Variants in TBC1D13 observed in about 807,000 individuals in gnomAD.
TBC1D13 encodes the protein epididymis secretory sperm binding protein.
In TBC1D13, 40 loss-of-function variants were observed where a neutral mutation model predicts 53.6. The observed-to-expected ratio is 0.75, with a 90% confidence interval of 0.58 to 0.97. TBC1D13 has a LOEUF of 0.97. Among genes scored for constraint, TBC1D13 ranks in the 50% least tolerant of loss-of-function variants. The pLI is 0.00. For missense variants in TBC1D13, 377 were observed against 499.4 expected, an observed-to-expected ratio of 0.75 and a Z score of 2.34; for synonymous variants, 182 against 197.7, an observed-to-expected ratio of 0.92 and a Z score of 0.67.
Position 128,803,246 on chromosome 9 carries a change from C to G in TBC1D13, c.544-4C>G. 2 of 1,613,786 alleles carry G rather than the reference C, an allele frequency of 1.2e-6. No homozygotes were observed. Among genetic ancestry groups the G allele is most frequent in the Middle Eastern group, 1.6e-4 (1 of 6,062 alleles). On this transcript the variant is annotated splice_region_variant and splice_polypyrimidine_tract_variant and intron_variant, in intron 7 of 11. Transcript: ENST00000372648. ...CTTGATGGGCTCCTCCTCTTCTCCT[C>G]CAGATGAGCTCCCCACACAAGAACT...
At chr9:128,801,678 CAG>C (rs1400345622) in intron 7 of TBC1D13, among the ~76,000 whole-genome samples, 18 of 151,846 alleles carry the variant, frequency 1.2e-4, no homozygotes, top group East Asian at 3.9e-4. Flanking sequence ...GACTCTGTCT[CAG>C]GGGGGCAAAT....
chr9:128,790,784 GC>G lies in TBC1D13; in HGVS notation c.138+11del, dbSNP rs1356011782. On this transcript the variant is annotated intron_variant, in intron 3 of 11. Coordinates refer to ENST00000372648, the MANE Select transcript of TBC1D13 (RefSeq NM_018201.5). The stretch of plus-strand genomic sequence containing the variant: ...GGTGCCTCTGCTGGAAGGTGGGTGT[GC>G]CTGGGGTGGGGCTTCTGCTCTGCTG... The G allele has an allele frequency of 1.3e-6, 2 of 1,558,950 alleles. No homozygotes were observed. Among genetic ancestry groups the G allele is most frequent in the African/African-American group, 2.8e-5 (2 of 70,342 alleles).
At chr9:128,801,355 A>G (rs1210023506) in intron 7 of TBC1D13, among the ~76,000 whole-genome samples, 1 of 151,612 alleles carries the variant, frequency 6.6e-6, no homozygotes, top group Non-Finnish European at 1.5e-5. Context: ...CCCCTCCCCA[A>G]CCCCATCCCC....
chr9:128,805,731 G>A, intron 9 of TBC1D13, 128 bp from the exon 10 acceptor site: 1 of 1,077,556 alleles, frequency 9.3e-7, no homozygotes, highest in Non-Finnish European at 1.3e-6. Flanking sequence ...CCTGGTGCCA[G>A]CCCTGGTGCT....
At position 128,807,830 on chromosome 9, in the gene TBC1D13, A is replaced by T; in HGVS notation, c.1154A>T (p.Asp385Val). The T allele has an allele frequency of 6.2e-7, 1 of 1,614,178 alleles. No individual in the cohort carries two copies. Among genetic ancestry groups the T allele is most frequent in the Non-Finnish European group, 8.5e-7 (1 of 1,180,030 alleles). ...TGTGCCCAGGACTACCCCATCACAG[A>T]TGTCTGCCAGATCCTGCAGAAAGCC... ...MRLLQDYPIT[D>V]VCQILQKAKE... is the part of the protein sequence containing the mutation. The change falls in exon 12 of 12, where the codon GAT becomes GTT. Residue 385 changes from aspartate (D) to valine (V), a missense_variant. By Grantham distance (152) the Asp-to-Val change is radical. Transcript: ENST00000372648.
At chr9:128,803,607 C>A in intron 8 of TBC1D13, 147 bp downstream of exon 8, 2 of 767,938 alleles carry the variant, frequency 2.6e-6, no homozygotes, top group South Asian at 1.8e-5. Context: ...CTGTGATCTT[C>A]TAGAATGTTG....
rs1461600510 is a variant in TBC1D13, at chr9:128,808,319, C to G, written c.*440C>G. On this transcript the variant is annotated 3_prime_UTR_variant, in exon 12 of 12. Coordinates refer to ENST00000372648, the MANE Select transcript of TBC1D13 (RefSeq NM_018201.5). ...CGGCTGCTCCACAGGGAAGGCGACACTGAAAGCTGAGTCCTGCCGTCTGTC... is the reference window on the plus strand; with the variant it reads ...CGGCTGCTCCACAGGGAAGGCGACAGTGAAAGCTGAGTCCTGCCGTCTGTC... 1 of 226,240 alleles carries G rather than the reference C, an allele frequency of 4.4e-6. No homozygotes were observed. The highest frequency in any genetic ancestry group is 2.2e-5 in the African/African-American group (1 of 45,304). 14.0% of individuals were successfully genotyped at this position (226,240 alleles called of 1,614,324 possible).
Position 128,795,737 on chromosome 9 carries a change from G to T in TBC1D13, c.384-1318G>T, listed in dbSNP as rs537655803. Among the ~76,000 whole-genome samples, 246 of 152,184 alleles carry T rather than the reference G, an allele frequency of 1.6e-3. 1 individual carries two copies. Among genetic ancestry groups the T allele is most frequent in the African/African-American group, 5.5e-3 (230 of 41,540 alleles). On this transcript the variant is annotated intron_variant, in intron 6 of 11. Coordinates refer to ENST00000372648, the MANE Select transcript of TBC1D13 (RefSeq NM_018201.5). ...GGCCTCCCAAAGTGCTGGGATTACAGGCGTAAGCCACCGCACCTGGCCCCA... is the reference window on the plus strand; with the variant it reads ...GGCCTCCCAAAGTGCTGGGATTACATGCGTAAGCCACCGCACCTGGCCCCA...
chr9:128,791,079 G>A (rs1004557253), intron 3 of TBC1D13, among the ~76,000 whole-genome samples: 2 of 152,194 alleles, frequency 1.3e-5, no homozygotes, highest in Admixed American at 6.5e-5. Flanking sequence ...CCCAGCTCAG[G>A]TGGCCATGGA....
At chr9:128,792,442 C>T (rs1414855782) in intron 5 of TBC1D13, 50 bp from the exon 6 acceptor site, 1 of 1,575,484 alleles carries the variant, frequency 6.3e-7, no homozygotes, top group African/African-American at 1.3e-5. Flanking sequence ...AGAATCGGGC[C>T]CCGGGGCCTA....
chr9:128,791,489 A>G (rs10760577), intron 4 of TBC1D13, 48 bp downstream of exon 4: 1,607,772 of 1,611,194 alleles, frequency 1, 802,187 homozygotes, highest in Admixed American at 1. Context: ...TGCATGTGAC[A>G]GAGCCAGTAC....
chr9:128,790,870 G>T (rs1435777787), intron 3 of TBC1D13, 95 bp downstream of exon 3: 3 of 1,314,480 alleles, frequency 2.3e-6, no homozygotes, highest in African/African-American at 3.0e-5. Context: ...CTCCTGTTCT[G>T]CACCTTTCCT....
chr9:128,808,500 CCTT>C lies in TBC1D13; in HGVS notation c.*624_*626del, dbSNP rs1829886996. ...CAGGCCTCCAGGTCTCCCAGCCCCT[CCTT>C]CTCTGTCTCTACCTCTCTGCCTGTC... On this transcript the variant is annotated 3_prime_UTR_variant, in exon 12 of 12. Transcript: ENST00000372648. The C allele has an allele frequency of 6.2e-6, 1 of 162,190 alleles. No individual in the cohort carries two copies. The highest frequency in any genetic ancestry group is 6.1e-5 in the Admixed American group (1 of 16,526). The allele number at this position is 162,190 out of a possible 1,614,324, so 10.0% of individuals were successfully genotyped here.
At chr9:128,799,921 T>C (rs1054622001) in intron 7 of TBC1D13, among the ~76,000 whole-genome samples, 2 of 152,184 alleles carry the variant, frequency 1.3e-5, no homozygotes, top group African/African-American at 4.8e-5. Flanking sequence ...CTCGGGAGGC[T>C]GAGGCAGGAG....
Position 128,788,416 on chromosome 9 carries a change from C to T in TBC1D13, c.97+9C>T, listed in dbSNP as rs1403011917. The T allele has an allele frequency of 6.2e-7, 1 of 1,613,190 alleles. No homozygotes were observed. Among genetic ancestry groups the T allele is most frequent in the South Asian group, 1.1e-5 (1 of 91,036 alleles). On this transcript the variant is annotated intron_variant, in intron 2 of 11. Coordinates refer to ENST00000372648, the MANE Select transcript of TBC1D13 (RefSeq NM_018201.5). ...GGAACTCAGCTTTAGTGGTAAGAAGCCATTCTGTATTTTCACGGTTTCCCT... is the reference window on the plus strand; with the variant it reads ...GGAACTCAGCTTTAGTGGTAAGAAGTCATTCTGTATTTTCACGGTTTCCCT...
Position 128,797,039 on chromosome 9 carries a change from T to C in TBC1D13, c.384-16T>C, listed in dbSNP as rs1356924595. On this transcript the variant is annotated splice_polypyrimidine_tract_variant and intron_variant, in intron 6 of 11. Coordinates refer to ENST00000372648, the MANE Select transcript of TBC1D13 (RefSeq NM_018201.5). ...CACCTTGAGTAACAAGATTATTTCCTGTTCCCTCTTGACAGGAGGTTGTGC... is the reference window on the plus strand; with the variant it reads ...CACCTTGAGTAACAAGATTATTTCCCGTTCCCTCTTGACAGGAGGTTGTGC... 4 of 1,613,426 alleles carry C rather than the reference T, an allele frequency of 2.5e-6. No homozygotes were observed. In the African/African-American group the frequency reaches 4.0e-5, roughly 16 times the overall value.
intron 3 of TBC1D13, among the ~76,000 whole-genome samples, chr9:128,791,111 G>A (rs1829524613): frequency 6.6e-6 from 1 of 152,196 alleles, no homozygotes; most frequent in Non-Finnish European, 1.5e-5. Flanking sequence ...CTGGTTTCCA[G>A]CCCTTTAGAG....
rs573762421 is a variant in TBC1D13, at chr9:128,790,703, T to A, written c.98-32T>A. On this transcript the variant is annotated intron_variant, in intron 2 of 11. Coordinates refer to ENST00000372648, the MANE Select transcript of TBC1D13 (RefSeq NM_018201.5). The stretch of plus-strand genomic sequence containing the variant: ...GGCTGGGGGTTCTGGGACTCTGGCC[T>A]GGGGCATGACCTTTGCCTGCTGTGT... The A allele has an allele frequency of 2.6e-6, 4 of 1,535,768 alleles. No homozygotes were observed. The East Asian group carries it at 7.8e-5, about 30-fold the overall frequency.
intron 8 of TBC1D13, 50 bp from the exon 9 acceptor site, chr9:128,803,906 G>A: frequency 6.2e-7 from 1 of 1,601,506 alleles, no homozygotes; most frequent in South Asian, 1.1e-5. Flanking sequence ...GGTGAGAGGT[G>A]GGGTGGGCCT....
Sources: allele counts gnomAD v4.1 joint callset (sites outside exome capture counted in the v4.1 genomes callset), GRCh38; gene constraint gnomAD v4.1.1; transcripts MANE v1.5; gene names NCBI Gene and HGNC (gene_info 2026-07-23, HGNC 2026-07-21).